Variants in RBM47 observed in about 807,000 individuals in gnomAD.
RBM47 encodes the protein RNA-binding protein 47.
RBM47 carries 21 observed loss-of-function variants against 47.1 expected under a neutral mutation model. That is an observed-to-expected ratio of 0.45 (90% CI 0.32 to 0.64). The LOEUF is 0.64. RBM47 is among the 30% of genes least tolerant of loss of function. The pLI is 0.05. For missense variants in RBM47, 708 were observed against 870.9 expected (o/e 0.81, Z 2.35); for synonymous variants, 375 against 361.7 (o/e 1.04, Z -0.42).
chr4:40,564,473 G>A (rs1437579468), intron 1 of RBM47, among the ~76,000 whole-genome samples: 1 of 152,260 alleles, frequency 6.6e-6, no homozygotes, highest in Non-Finnish European at 1.5e-5. Flanking sequence ...GGGTAAGCCA[G>A]TGACATTTGG....
chr4:40,535,873 T>G (rs1223029829), intron 2 of RBM47, among the ~76,000 whole-genome samples: 1 of 152,054 alleles, frequency 6.6e-6, no homozygotes, highest in Non-Finnish European at 1.5e-5. Context: ...TATATTTTTT[T>G]TCCCCCTCAT....
At chr4:40,443,405 T>C (rs67079525) in intron 3 of RBM47, among the ~76,000 whole-genome samples, 15,286 of 151,970 alleles carry the variant, frequency 0.1, 833 homozygotes, top group Middle Eastern at 0.15. Context: ...AACTAGGATT[T>C]CATTAGAGGC....
intron 1 of RBM47, among the ~76,000 whole-genome samples, chr4:40,564,636 T>G (rs1433482705): frequency 6.6e-6 from 1 of 152,180 alleles, no homozygotes; most frequent in African/African-American, 2.4e-5. Flanking sequence ...TAGGAAGGAA[T>G]CAATAGAATT....
At chr4:40,457,646 G>C (rs1716498630) in intron 3 of RBM47, among the ~76,000 whole-genome samples, 1 of 152,066 alleles carries the variant, frequency 6.6e-6, no homozygotes, top group South Asian at 2.1e-4. Flanking sequence ...TGCTGGCCAG[G>C]CTGGTCTTGA....
chr4:40,439,992 G>T (rs1440686416), intron 3 of RBM47, among the ~76,000 whole-genome samples: 1 of 152,200 alleles, frequency 6.6e-6, no homozygotes, highest in Non-Finnish European at 1.5e-5. Context: ...TAATTAAACA[G>T]CCACGTATCA....
intron 5 of RBM47, among the ~76,000 whole-genome samples, chr4:40,434,963 G>T (rs1443862150): frequency 6.6e-6 from 1 of 152,120 alleles, no homozygotes; most frequent in Non-Finnish European, 1.5e-5. Flanking sequence ...AATTACCCAC[G>T]GACTGAGCTT....
chr4:40,625,751 G>T lies in RBM47; in HGVS notation c.-240+3645C>A, dbSNP rs557869034. 9.9e-5 allele frequency among the ~76,000 whole-genome samples: 15 copies of T among 152,266 alleles called. No homozygotes were observed. In the South Asian group the frequency reaches 3.1e-3, roughly 32 times the overall value. ...ACCACAAATATATAGCATCCCCAAA[G>T]ACAAATATCGTGATTTGGGGAGACT... On this transcript the variant is annotated intron_variant, in intron 1 of 6. Coordinates refer to ENST00000295971, the MANE Select transcript of RBM47 (RefSeq NM_001098634.2).
rs537497706 is a variant in RBM47, at chr4:40,529,720, T to C, written c.-155+14702A>G. Among the ~76,000 whole-genome samples, 7 of 148,902 alleles carry C rather than the reference T, an allele frequency of 4.7e-5. No individual in the cohort carries two copies. The South Asian group carries it at 8.5e-4, about 18-fold the overall frequency. The stretch of plus-strand genomic sequence containing the variant: ...GGCACACACCTGTAATCCCAGCTAC[T>C]TGGGAGGCTGAAACAGGAGAATTGC... On this transcript the variant is annotated intron_variant, in intron 2 of 6. Transcript: ENST00000295971.
chr4:40,474,091 T>C (rs1719284390), intron 2 of RBM47, among the ~76,000 whole-genome samples: 2 of 152,180 alleles, frequency 1.3e-5, no homozygotes, highest in African/African-American at 4.8e-5. Context: ...GGCTGACTTG[T>C]ACAAATTACG....
At chr4:40,556,011 A>G (rs1577951669) in intron 1 of RBM47, among the ~76,000 whole-genome samples, 1 of 150,790 alleles carries the variant, frequency 6.6e-6, no homozygotes, top group African/African-American at 2.4e-5. Flanking sequence ...ACTGAAGCCA[A>G]CCTGCTAAAG....
At chr4:40,471,723 A>C (rs181226862) in intron 2 of RBM47, among the ~76,000 whole-genome samples, 83 of 150,576 alleles carry the variant, frequency 5.5e-4, no homozygotes, top group African/African-American at 1.9e-3. Context: ...GCGTTTTATC[A>C]CCCTTCTGCT....
intron 3 of RBM47, among the ~76,000 whole-genome samples, chr4:40,451,044 C>G (rs539004106): frequency 1.3e-5 from 2 of 152,110 alleles, no homozygotes; most frequent in South Asian, 2.1e-4. Flanking sequence ...CTTGATCTGG[C>G]TCTTACGAAT....
At chr4:40,466,777 G>GA (rs1396105184) in intron 2 of RBM47, 78 bp from the exon 3 acceptor site, 2 of 112,096 alleles carry the variant, frequency 1.8e-5, no homozygotes, top group African/African-American at 6.5e-5. Context: ...AAATTGGGGG[G>GA]GGGGGGGCAG....
chr4:40,490,093 C>A (rs1442194943), intron 2 of RBM47, among the ~76,000 whole-genome samples: 1 of 152,088 alleles, frequency 6.6e-6, no homozygotes, highest in Non-Finnish European at 1.5e-5. Context: ...CCCTTCATAA[C>A]TAAAACACAA....
chr4:40,585,423 G>A (rs758167896), intron 1 of RBM47, among the ~76,000 whole-genome samples: 1 of 152,164 alleles, frequency 6.6e-6, no homozygotes, highest in Non-Finnish European at 1.5e-5. Flanking sequence ...GTAGAGGTAA[G>A]AAAGCAACAA....
chr4:40,455,074 C>G (rs1017326636), intron 3 of RBM47, among the ~76,000 whole-genome samples: 2 of 152,188 alleles, frequency 1.3e-5, no homozygotes, highest in Non-Finnish European at 2.9e-5. Flanking sequence ...TCTACCATCC[C>G]CATCGCTTCC....
rs968207681 is a variant in RBM47, at chr4:40,438,190, A to G, written c.704T>C (p.Ile235Thr). The G allele has an allele frequency of 3.7e-6, 6 of 1,608,902 alleles. No individual in the cohort carries two copies. In the East Asian group the frequency reaches 1.1e-4, roughly 30 times the overall value. The change falls in exon 4 of 7, where the codon ATC becomes ACC. Residue 235 changes from isoleucine to threonine, a missense_variant. Physicochemically the swap from Ile to Thr is moderately conservative, Grantham distance 89. Transcript: ENST00000295971. Reference protein sequence around the residue: ...QIAVDWAEPEIDVDEDVMETV... With the variant: ...QIAVDWAEPETDVDEDVMETV... ...CTCCATCACGTCCTCGTCCACGTCG[A>G]TCTCAGGTTCGGCCCAGTCCACGGC...
intron 5 of RBM47, among the ~76,000 whole-genome samples, chr4:40,434,167 T>C (rs1711903113): frequency 6.6e-6 from 1 of 152,164 alleles, no homozygotes; most frequent in Non-Finnish European, 1.5e-5. Flanking sequence ...CAAATGATTG[T>C]AAGCTAAACA....
Position 40,425,919 on chromosome 4 carries a change from GAC to G in RBM47, c.1765_1766del (p.Val589LeufsTer27). ...AAAIQVPIPDVYQTY is the reference protein window; with the variant it reads ...AAAIQVPIPDXYQTY ...GTCACCAGCCTCAGTATGTCTGGTA[GAC>G]GTCGGGGATGGGGACCTGAATGGCA... On this transcript the variant is annotated frameshift_variant, in exon 7 of 7. Coordinates refer to ENST00000295971, the MANE Select transcript of RBM47 (RefSeq NM_001098634.2). LOFTEE classifies it high-confidence loss of function. The G allele has an allele frequency of 1.9e-6, 3 of 1,614,204 alleles. No homozygotes were observed. Among genetic ancestry groups the G allele is most frequent in the Non-Finnish European group, 1.7e-6 (2 of 1,180,032 alleles).
Sources: gnomAD v4.1 joint callset for allele counts (sites outside exome capture counted in the v4.1 genomes callset) on GRCh38, gnomAD v4.1.1 for gene constraint, MANE v1.5 for transcripts, NCBI Gene and HGNC (gene_info 2026-07-23, HGNC 2026-07-21) for gene names.